Variants in ARHGEF7 observed in about 807,000 individuals in gnomAD.
ARHGEF7 encodes the protein Rho guanine nucleotide exchange factor 7, also known as PAK-interacting exchange factor beta.
Under a neutral mutation model 109.8 loss-of-function variants are expected in ARHGEF7, and 33 were observed. The ratio of observed to expected loss-of-function variants is 0.30; its 90% CI spans 0.23 to 0.40. ARHGEF7 has a LOEUF of 0.40. ARHGEF7 is among the 10% of genes least tolerant of loss of function. The pLI, the probability that ARHGEF7 is intolerant of heterozygous loss-of-function variation, is 1.00. For missense variants in ARHGEF7, 938 were observed against 1,098.5 expected (o/e 0.85, Z 2.07); for synonymous variants, 458 against 424.6 (o/e 1.08, Z -0.97).
Position 111,205,280 on chromosome 13 carries a change from T to C in ARHGEF7, c.253-9T>C. 1 of 1,595,696 alleles carries C rather than the reference T, an allele frequency of 6.3e-7. No homozygotes were observed. The highest frequency in any genetic ancestry group is 1.4e-5 in the African/African-American group (1 of 73,602). ...CTACTAATTTTGCTTGTTTAATTTT[T>C]CCTTTCAGACGTTTGATGCAAATGA... On this transcript the variant is annotated splice_polypyrimidine_tract_variant and intron_variant, in intron 2 of 21. Transcript: ENST00000646102.
At chr13:111,122,089 G>A (rs755038029) in intron 1 of ARHGEF7, among the ~76,000 whole-genome samples, 7 of 152,188 alleles carry the variant, frequency 4.6e-5, no homozygotes, top group Non-Finnish European at 7.3e-5. Context: ...ACTTTCGGGG[G>A]CTGGCAGCCT....
intron 10 of ARHGEF7, 139 bp downstream of exon 10, chr13:111,274,091 A>G (rs1300405563): frequency 5.4e-6 from 6 of 1,111,668 alleles, no homozygotes; most frequent in Admixed American, 2.8e-5. Flanking sequence ...TTTGTTAAAT[A>G]TTATGTTTTT....
intron 5 of ARHGEF7, among the ~76,000 whole-genome samples, chr13:111,232,283 G>A (rs1442945747): frequency 6.6e-6 from 1 of 152,084 alleles, no homozygotes; most frequent in Non-Finnish European, 1.5e-5. Context: ...TACACTGTCT[G>A]CAGAACTAAT....
In ARHGEF7 at chr13:111,115,441, G is replaced by T; in HGVS notation, c.-86G>T. The T allele has an allele frequency of 1.0e-6, 1 of 964,234 alleles. No homozygotes were observed. The highest frequency in any genetic ancestry group is 1.2e-6 in the Non-Finnish European group (1 of 812,190). 59.7% of individuals were successfully genotyped at this position (964,234 alleles called of 1,614,324 possible). ...CCGGCCGCTCGATGGGCGAGGCGGCGGCGGCGGCGGCGGGGGCCGCGGGCC... is the reference window on the plus strand; with the variant it reads ...CCGGCCGCTCGATGGGCGAGGCGGCTGCGGCGGCGGCGGGGGCCGCGGGCC... On this transcript the variant is annotated 5_prime_UTR_variant, in exon 1 of 22. Coordinates refer to ENST00000646102, the MANE Select transcript of ARHGEF7 (RefSeq NM_001354046.2).
intron 19 of ARHGEF7, chr13:111,294,350 G>T: frequency 2.0e-6 from 2 of 985,452 alleles, no homozygotes; most frequent in Non-Finnish European, 2.4e-6. Flanking sequence ...TGGGTTGCCT[G>T]TGTCATGGGC....
At chr13:111,159,549 C>A (rs573172414) in intron 2 of ARHGEF7, among the ~76,000 whole-genome samples, 1 of 152,172 alleles carries the variant, frequency 6.6e-6, no homozygotes, top group Non-Finnish European at 1.5e-5. Context: ...CAACACCTGT[C>A]GCCTTTCATC....
chr13:111,252,804 A>G (rs1463453948), intron 8 of ARHGEF7, among the ~76,000 whole-genome samples: 2 of 152,260 alleles, frequency 1.3e-5, no homozygotes, highest in East Asian at 1.9e-4. Flanking sequence ...AGGTTACACA[A>G]CTGGTAACTG....
At position 111,217,837 on chromosome 13, in the gene ARHGEF7, C is replaced by T. The variant is rs143217884; in HGVS notation, c.627C>T (p.Thr209=). 69 of 1,613,626 alleles carry T rather than the reference C, an allele frequency of 4.3e-5. No homozygotes were observed. The highest frequency in any genetic ancestry group is 4.3e-4 in the African/African-American group (32 of 74,938). ...GWWEGTLNGR[T]GWFPSNYVRE... ...GGGAGGGCACACTCAACGGCCGGAC[C>T]GGCTGGTTCCCCAGCAACTACGTGC... The change falls in exon 5 of 22, where the codon ACC becomes ACT. Residue 209 remains threonine, a synonymous_variant. Transcript: ENST00000646102.
chr13:111,269,685 G>A (rs886895970), intron 9 of ARHGEF7, among the ~76,000 whole-genome samples: 1 of 152,096 alleles, frequency 6.6e-6, no homozygotes, highest in Non-Finnish European at 1.5e-5. Context: ...GAGCTGCGGC[G>A]AGAGGAAGGT....
intron 1 of ARHGEF7, among the ~76,000 whole-genome samples, chr13:111,120,950 C>T (rs2067157639): frequency 1.3e-5 from 2 of 152,320 alleles, no homozygotes; most frequent in Non-Finnish European, 2.9e-5. Flanking sequence ...GCCACCTATA[C>T]TGAACTTAGG....
intron 1 of ARHGEF7, among the ~76,000 whole-genome samples, chr13:111,139,449 G>C (rs1390448022): frequency 1.3e-5 from 2 of 152,108 alleles, no homozygotes; most frequent in African/African-American, 2.4e-5. Context: ...TCTCATCTCT[G>C]AACTGTCAGA....
At chr13:111,281,579 G>A (rs2092782009) in intron 15 of ARHGEF7, among the ~76,000 whole-genome samples, 3 of 152,246 alleles carry the variant, frequency 2.0e-5, no homozygotes, top group Non-Finnish European at 1.5e-5. Context: ...CTTTTAGCTA[G>A]CATTTCATTT....
chr13:111,285,996 G>T, intron 16 of ARHGEF7, 151 bp from the exon 17 acceptor site: 4 of 598,468 alleles, frequency 6.7e-6, no homozygotes, highest in Non-Finnish European at 1.2e-5. Context: ...TCAGAAGCTG[G>T]TAAAGAAAAA....
chr13:111,286,364 C>T (rs1444386109), intron 17 of ARHGEF7, 124 bp downstream of exon 17: 3 of 757,774 alleles, frequency 4.0e-6, no homozygotes. Context: ...AGGTCTGCCC[C>T]TTGAGGCAGT....
intron 8 of ARHGEF7, among the ~76,000 whole-genome samples, chr13:111,246,089 G>C (rs1260071534): frequency 6.6e-6 from 1 of 152,068 alleles, no homozygotes; most frequent in African/African-American, 2.4e-5. Flanking sequence ...TTTTCTGTGT[G>C]ACTATTTTAT....
chr13:111,188,512 AT>A (rs1485191276), intron 2 of ARHGEF7, among the ~76,000 whole-genome samples: 3 of 152,196 alleles, frequency 2.0e-5, no homozygotes, highest in Non-Finnish European at 4.4e-5. Flanking sequence ...ACGGTGCTGG[AT>A]CCCCCAGAGG....
chr13:111,115,497 C>G lies in ARHGEF7; in HGVS notation c.-30C>G. The G allele has an allele frequency of 1.6e-6, 2 of 1,242,080 alleles. No homozygotes were observed. The highest frequency in any genetic ancestry group is 2.1e-6 in the Non-Finnish European group (2 of 973,582). 76.9% of individuals were successfully genotyped at this position (1,242,080 alleles called of 1,614,324 possible). A position where few individuals can be genotyped will look rare whatever the true frequency, so the allele number is the denominator to read the frequency against. On this transcript the variant is annotated 5_prime_UTR_variant, in exon 1 of 22. Transcript: ENST00000646102. ...GCCGCTCCGAGGTGAAGGCGCGCGC[C>G]CCTCCCCGCCTGCCTCCCGGGCCGC...
At position 111,283,201 on chromosome 13, in the gene ARHGEF7, G is replaced by A. The variant is rs150095389; in HGVS notation, c.1788G>A (p.Thr596=). 602 of 1,596,038 alleles carry A rather than the reference G, an allele frequency of 3.8e-4. No individual in the cohort carries two copies. The highest frequency in any genetic ancestry group is 7.2e-4 in the African/African-American group (54 of 74,790). ...CAGACAGCAAGCCCGCGCCGCTGAC[G>A]CCCGCCTACCACACGCTGCCCCACC... The part of the protein sequence containing the change: ...KHADSKPAPL[T]PAYHTLPHPS... Residue 596 remains threonine (T), a synonymous_variant, in exon 16 of 22, where the codon ACG becomes ACA. Transcript: ENST00000646102.
At chr13:111,259,487 G>T (rs1184393921) in intron 8 of ARHGEF7, among the ~76,000 whole-genome samples, 1 of 152,204 alleles carries the variant, frequency 6.6e-6, no homozygotes, top group African/African-American at 2.4e-5. Context: ...TCTGGATTTT[G>T]TTCAAGAACA....
Sources: gnomAD v4.1 joint callset for allele counts (sites outside exome capture counted in the v4.1 genomes callset) on GRCh38, gnomAD v4.1.1 for gene constraint, MANE v1.5 for transcripts, NCBI Gene and HGNC (gene_info 2026-07-23, HGNC 2026-07-21) for gene names.